AGAP1: variants seen among roughly 807,000 people sequenced by gnomAD.
AGAP1 encodes the protein ArfGAP with GTPase domain, ankyrin repeat and PH domain 1.
Under a neutral mutation model 105.3 loss-of-function variants are expected in AGAP1, and 29 were observed. The ratio of observed to expected loss-of-function variants is 0.28; its 90% CI spans 0.21 to 0.38. The LOEUF (loss-of-function observed/expected upper bound fraction) is 0.38, where lower values mean the gene tolerates loss of function less well. Ranked by LOEUF, AGAP1 falls within the 10% of genes least tolerant of loss-of-function variation. The pLI, the probability that AGAP1 is intolerant of heterozygous loss-of-function variation, is 1.00. For missense variants in AGAP1, 998 were observed against 1,165.1 expected, an observed-to-expected ratio of 0.86 and a Z score of 2.09; for synonymous variants, 509 against 485.9, an observed-to-expected ratio of 1.05 and a Z score of -0.63.
intron 1 of AGAP1, among the ~76,000 whole-genome samples, chr2:235,537,699 T>C (rs1011160874): frequency 2.0e-5 from 3 of 152,222 alleles, no homozygotes; most frequent in African/African-American, 7.2e-5. Context: ...TTCCCAGTCT[T>C]GTCTAATAAT....
intron 13 of AGAP1, among the ~76,000 whole-genome samples, chr2:236,025,908 G>GTGGGTGGATGGATGGATGGATGGATGGA (rs547504974): frequency 2.0e-5 from 2 of 100,314 alleles, no homozygotes; most frequent in African/African-American, 1.0e-4. Context: ...TCTCGGGTGG[G>GTGGGTGGATGGATGGATGGATGGATGGA]TGGATGGATG....
intron 1 of AGAP1, among the ~76,000 whole-genome samples, chr2:235,706,697 G>T (rs144983142): frequency 7.7e-4 from 118 of 152,296 alleles, no homozygotes; most frequent in African/African-American, 2.7e-3. Flanking sequence ...ATTCCATGAT[G>T]TGGCTATATC....
rs1028122544 is a variant in AGAP1, at chr2:235,693,905, A to G, written c.164-15274A>G. 2.6e-5 allele frequency among the ~76,000 whole-genome samples: 4 copies of G among 152,224 alleles called. No homozygotes were observed. The East Asian group carries it at 7.7e-4, about 29-fold the overall frequency. ...TTAATGACGTTCCCATTTGAAAAAC[A>G]TGGCAGTTTCAATGTCTGTTAATGT... On this transcript the variant is annotated intron_variant, in intron 1 of 17. Coordinates refer to ENST00000304032, the MANE Select transcript of AGAP1 (RefSeq NM_001037131.3).
At position 235,842,386 on chromosome 2, in the gene AGAP1, T is replaced by G. The variant is rs575772284; in HGVS notation, c.1050+35055T>G. Among the ~76,000 whole-genome samples, 53 of 152,340 alleles carry G rather than the reference T, an allele frequency of 3.5e-4. No homozygotes were observed. In the Middle Eastern group the frequency reaches 0.017, roughly 49 times the overall value. The stretch of plus-strand genomic sequence containing the variant: ...GCCACCCTCAAAATCACAGACATGT[T>G]CACAGCGCATTGCCGTTGTCCCAGA... On this transcript the variant is annotated intron_variant, in intron 9 of 17. Transcript: ENST00000304032. This position sits in a 1 kb window ranked among gnomAD's most constrained non-coding sequence, Gnocchi z 5.3.
intron 1 of AGAP1, among the ~76,000 whole-genome samples, chr2:235,645,774 C>T (rs1947362025): frequency 6.6e-6 from 1 of 152,198 alleles, no homozygotes; most frequent in Non-Finnish European, 1.5e-5. Flanking sequence ...GTCTCTGCTA[C>T]CTGTTTCTTG....
At position 235,557,096 on chromosome 2, in the gene AGAP1, C is replaced by T. The variant is rs1382111341; in HGVS notation, c.163+62247C>T. ...TTAGGGGACTGGGTCCTGGGGTGAG[C>T]TCTGGAGCCCGTGGGTCTGGTTGTC... On this transcript the variant is annotated intron_variant, in intron 1 of 17. Transcript: ENST00000304032. The surrounding 1 kb of genome is among the most constrained non-coding windows in gnomAD (Gnocchi z 4.7). Among the ~76,000 whole-genome samples the T allele has an allele frequency of 6.6e-6, 1 of 152,116 alleles. No homozygotes were observed. The highest frequency in any genetic ancestry group is 2.4e-5 in the African/African-American group (1 of 41,406).
At chr2:235,562,561 TTTC>T (rs67634070) in intron 1 of AGAP1, among the ~76,000 whole-genome samples, 20,952 of 152,022 alleles carry the variant, frequency 0.14, 1,555 homozygotes, top group East Asian at 0.29. Context: ...TGCCCCATGC[TTTC>T]TGGTGGCCTG....
intron 1 of AGAP1, chr2:235,670,878 C>G: frequency 1.5e-6 from 2 of 1,353,880 alleles, no homozygotes; most frequent in South Asian, 1.7e-5. Flanking sequence ...GGCGCGGCCT[C>G]GGAGCACCGG....
At chr2:235,932,101 G>A (rs925379048) in intron 12 of AGAP1, among the ~76,000 whole-genome samples, 2 of 152,216 alleles carry the variant, frequency 1.3e-5, no homozygotes, top group African/African-American at 2.4e-5. Flanking sequence ...AAGGAGGTTT[G>A]AAGTTATGAT....
rs1243370673 is a variant in AGAP1, at chr2:236,053,102, G to A, written c.2114+3821G>A. On this transcript the variant is annotated intron_variant, in intron 16 of 17. Coordinates refer to ENST00000304032, the MANE Select transcript of AGAP1 (RefSeq NM_001037131.3). The surrounding 1 kb of genome is among the most constrained non-coding windows in gnomAD (Gnocchi z 4.6). The stretch of plus-strand genomic sequence containing the variant: ...TAGGGCGTCGAGCAGCTGGGCCGGG[G>A]GCCACCAGCCAGGCGGGGCTCTGGG... Among the ~76,000 whole-genome samples, 50 of 152,168 alleles carry A rather than the reference G, an allele frequency of 3.3e-4. No homozygotes were observed. Among genetic ancestry groups the A allele is most frequent in the Non-Finnish European group, 8.8e-5 (6 of 68,042 alleles).
rs571679931 is a variant in AGAP1 at position 236,080,375 on chromosome 2, G to A, written c.2114+31094G>A. On this transcript the variant is annotated intron_variant, in intron 16 of 17. Transcript: ENST00000304032. This position sits in a 1 kb window ranked among gnomAD's most constrained non-coding sequence, Gnocchi z 4.2. ...CAGAAACCTCCATCTCAGTCTAGGA[G>A]GGACAGCTAGGAGGAAATAAGGACG... Among the ~76,000 whole-genome samples the A allele has an allele frequency of 7.2e-5, 11 of 152,314 alleles. No individual in the cohort carries two copies. The South Asian group carries it at 2.3e-3, about 32-fold the overall frequency.
At chr2:235,644,694 C>T (rs1947313863) in intron 1 of AGAP1, among the ~76,000 whole-genome samples, 1 of 152,114 alleles carries the variant, frequency 6.6e-6, no homozygotes, top group African/African-American at 2.4e-5. Context: ...AACTGATATG[C>T]AGCACAGTGC....
chr2:235,789,328 T>A lies in AGAP1; in HGVS notation c.674-8431T>A, dbSNP rs1279767953. On this transcript the variant is annotated intron_variant, in intron 6 of 17. Coordinates refer to ENST00000304032, the MANE Select transcript of AGAP1 (RefSeq NM_001037131.3). The surrounding 1 kb of genome is among the most constrained non-coding windows in gnomAD (Gnocchi z 4.2). Reference sequence around the variant, plus strand: ...AACGTCAGCAGCCTTGACTTTGCTCTGTCCTGAAGGTAACTGTTTATTACA... The same window carrying A: ...AACGTCAGCAGCCTTGACTTTGCTCAGTCCTGAAGGTAACTGTTTATTACA... 6.6e-6 allele frequency among the ~76,000 whole-genome samples: 1 copy of A among 152,240 alleles called. No individual in the cohort carries two copies. Among genetic ancestry groups the A allele is most frequent in the East Asian group, 1.9e-4 (1 of 5,190 alleles).
rs1941212338 is a variant in AGAP1, at chr2:235,494,387, C to A, written c.-300C>A. Reference sequence around the variant, plus strand: ...GGAAGTCACCCGAGCAAGCCTCCTTCGGGGCCGGCCGCACCCGCCGCGGCG... The same window carrying A: ...GGAAGTCACCCGAGCAAGCCTCCTTAGGGGCCGGCCGCACCCGCCGCGGCG... On this transcript the variant is annotated 5_prime_UTR_variant, in exon 1 of 18. Coordinates refer to ENST00000304032, the MANE Select transcript of AGAP1 (RefSeq NM_001037131.3). 1 of 143,042 alleles carries A rather than the reference C, an allele frequency of 7.0e-6. No homozygotes were observed. Among genetic ancestry groups the A allele is most frequent in the African/African-American group, 2.5e-5 (1 of 39,894 alleles). The allele number at this position is 143,042 out of a possible 1,614,324, so 8.9% of individuals were successfully genotyped here.
chr2:235,506,856 T>G (rs1574710672), intron 1 of AGAP1: 1 of 152,390 alleles, frequency 6.6e-6, no homozygotes, highest in Non-Finnish European at 1.5e-5. Context: ...GCAGAGCAGG[T>G]GGCATAGACA....
intron 16 of AGAP1, among the ~76,000 whole-genome samples, chr2:236,068,069 T>C (rs142727545): frequency 2.0e-5 from 3 of 152,184 alleles, no homozygotes; most frequent in African/African-American, 7.2e-5. Flanking sequence ...GTCAGAAGTT[T>C]GAGACCAGCC....
rs571363332 is a variant in AGAP1 at position 235,574,863 on chromosome 2, G to A, written c.163+80014G>A. On this transcript the variant is annotated intron_variant, in intron 1 of 17. Transcript: ENST00000304032. This position sits in a 1 kb window ranked among gnomAD's most constrained non-coding sequence, Gnocchi z 5.0. ...TGAGGCTGGGCGCAGTGGAGCACGC[G>A]TGTAATTCTAGCACTTAGGGAGGCC... Among the ~76,000 whole-genome samples the A allele has an allele frequency of 6.6e-6, 1 of 152,184 alleles. No homozygotes were observed. Among genetic ancestry groups the A allele is most frequent in the Admixed American group, 6.5e-5 (1 of 15,276 alleles).
Position 236,092,954 on chromosome 2 carries a change from C to CAATTGAAG in AGAP1, c.2115-27238_2115-27237insAATTGAAG, listed in dbSNP as rs2059101575. Among the ~76,000 whole-genome samples the CAATTGAAG allele has an allele frequency of 6.6e-6, 1 of 152,178 alleles. No homozygotes were observed. The highest frequency in any genetic ancestry group is 1.5e-5 in the Non-Finnish European group (1 of 68,044). On this transcript the variant is annotated intron_variant, in intron 16 of 17. Coordinates refer to ENST00000304032, the MANE Select transcript of AGAP1 (RefSeq NM_001037131.3). The surrounding 1 kb of genome is among the most constrained non-coding windows in gnomAD (Gnocchi z 4.7). ...GGAGCGGCTCCAGGCCTCCCACTGG[C>CAATTGAAG]CAAATCTGGAACAATTGAAGCATCT...
In AGAP1 at chr2:235,522,789, C is replaced by G. The variant is rs151095963; in HGVS notation, c.163+27940C>G. On this transcript the variant is annotated intron_variant, in intron 1 of 17. Transcript: ENST00000304032. ...CTGTTTTCTCTGCAAGGCTGGAAAGCTGACCTTTATGGTGATATCTGTTTG... is the reference window on the plus strand; with the variant it reads ...CTGTTTTCTCTGCAAGGCTGGAAAGGTGACCTTTATGGTGATATCTGTTTG... Among the ~76,000 whole-genome samples, 153 of 152,300 alleles carry G rather than the reference C, an allele frequency of 1.0e-3. 2 individuals carry two copies. The highest frequency in any genetic ancestry group is 3.5e-3 in the African/African-American group (144 of 41,568).
Sources: gnomAD v4.1 joint callset for allele counts (sites outside exome capture counted in the v4.1 genomes callset) on GRCh38, gnomAD v4.1.1 for gene constraint, Gnocchi (gnomAD v3.1) non-coding constraint, MANE v1.5 for transcripts, NCBI Gene and HGNC (gene_info 2026-07-23, HGNC 2026-07-21) for gene names.